TUT7: variants seen among roughly 807,000 people sequenced by gnomAD.
TUT7 encodes terminal uridylyltransferase 7.
Under a neutral mutation model 165.9 loss-of-function variants are expected in TUT7, and 33 were observed. The observed-to-expected ratio is 0.20, with a 90% CI of 0.15 to 0.27. The LOEUF (loss-of-function observed/expected upper bound fraction) is 0.27, where lower values mean the gene tolerates loss of function less well. Among genes scored for constraint, TUT7 ranks in the 10% least tolerant of loss-of-function variants. The pLI is 1.00. For missense variants in TUT7, 1,338 were observed against 1,762.3 expected, an observed-to-expected ratio of 0.76 and a Z score of 4.31; for synonymous variants, 552 against 608.1, an observed-to-expected ratio of 0.91 and a Z score of 1.36.
chr9:86,288,771 A>G, intron 26 of TUT7, 27 bp from the exon 27 acceptor site: 2 of 1,579,072 alleles, frequency 1.3e-6, no homozygotes, highest in Non-Finnish European at 8.7e-7. Context: ...AACAAAACCC[A>G]ATATAAATGA....
rs1161685629 is a variant in TUT7, at chr9:86,311,763, G to T, written c.3275-954C>A. ...GCCTGCCGAGTGCCTGCGATTGCAG[G>T]TGCGCGCCGCCACGCCTGACTGGTT... On this transcript the variant is annotated intron_variant, in intron 17 of 26. Transcript: ENST00000375963. The surrounding 1 kb of genome is among the most constrained non-coding windows in gnomAD (Gnocchi z 4.4). Among the ~76,000 whole-genome samples, 1 of 151,918 alleles carries T rather than the reference G, an allele frequency of 6.6e-6. No homozygotes were observed. Among genetic ancestry groups the T allele is most frequent in the Admixed American group, 6.6e-5 (1 of 15,266 alleles).
In TUT7 at chr9:86,345,013, G is replaced by T; in HGVS notation, c.961C>A (p.Arg321Ser). 6.2e-7 allele frequency: 1 copy of T among 1,612,912 alleles called. No individual in the cohort carries two copies. The highest frequency in any genetic ancestry group is 8.5e-7 in the Non-Finnish European group (1 of 1,179,596). ...ENLEQRLEIKRIMENVFQHKL... is the reference protein window; with the variant it reads ...ENLEQRLEIKSIMENVFQHKL... ...TGTTGGAACACATTTTCCATGATAC[G>T]TTTAATTTCCAGCCTCTGTTCCAAG... The change falls in exon 5 of 27, where the codon CGT becomes AGT. Residue 321 changes from arginine to serine, a missense_variant. Transcript: ENST00000375963.
chr9:86,309,969 T>C lies in TUT7; in HGVS notation c.3427A>G (p.Arg1143Gly). Reference sequence around the variant, plus strand: ...ATGGTATAGCACAAATACTTCACTCTGGGATCAATGGCGGAATAAGCAGAT... The same window carrying C: ...ATGGTATAGCACAAATACTTCACTCCGGGATCAATGGCGGAATAAGCAGAT... ...LLSAYSAIDPRVKYLCYTMKV... is the reference protein window; with the variant it reads ...LLSAYSAIDPGVKYLCYTMKV... Residue 1143 changes from arginine (R) to glycine (G), a missense_variant, in exon 19 of 27, where the codon AGA (arginine) becomes GGA (glycine). Around this residue, in one of 7 missense-constraint regions of TUT7, gnomAD observed 157 missense variants for 357.5 expected, o/e 0.44. Transcript: ENST00000375963. The C allele has an allele frequency of 6.2e-7, 1 of 1,613,928 alleles. No individual in the cohort carries two copies. Among genetic ancestry groups the C allele is most frequent in the Non-Finnish European group, 8.5e-7 (1 of 1,179,886 alleles).
intron 9 of TUT7, 57 bp from the exon 10 acceptor site, chr9:86,337,595 A>G (rs1309958422): frequency 1.3e-6 from 2 of 1,562,410 alleles, no homozygotes; most frequent in Non-Finnish European, 1.7e-6. Flanking sequence ...TGTCATTTAC[A>G]CGATTTGGCC....
chr9:86,309,324 C>T (rs376668945), intron 20 of TUT7, 35 bp from the exon 21 acceptor site: 177 of 1,447,394 alleles, frequency 1.2e-4, no homozygotes, highest in Non-Finnish European at 1.6e-4. Flanking sequence ...GTATGGATTA[C>T]AAACTTAATG....
chr9:86,322,733 G>A (rs529757025), intron 13 of TUT7, 140 bp downstream of exon 13: 29 of 1,037,728 alleles, frequency 2.8e-5, no homozygotes, highest in Admixed American at 1.8e-4. Context: ...AAAGCAGACC[G>A]AGCAGTCATA....
intron 2 of TUT7, among the ~76,000 whole-genome samples, chr9:86,349,076 C>T (rs1832038325): frequency 2.0e-5 from 3 of 151,952 alleles, no homozygotes; most frequent in Admixed American, 1.3e-4. Flanking sequence ...GTCGGGAGTT[C>T]GAGACCATCC....
At chr9:86,316,169 A>G (rs1828703521) in intron 17 of TUT7, among the ~76,000 whole-genome samples, 1 of 152,222 alleles carries the variant, frequency 6.6e-6, no homozygotes, top group African/African-American at 2.4e-5. Context: ...TTCACTGTTA[A>G]TGGTATCCAT....
At chr9:86,338,639 C>T (rs791321) in intron 9 of TUT7, among the ~76,000 whole-genome samples, 184 bp downstream of exon 9, 39,319 of 151,990 alleles carry the variant, frequency 0.26, 6,349 homozygotes, top group Non-Finnish European at 0.35. Flanking sequence ...TGAGCAATAC[C>T]GTTAAAGTGA....
chr9:86,302,812 T>G (rs1827068792), intron 25 of TUT7, among the ~76,000 whole-genome samples: 1 of 152,082 alleles, frequency 6.6e-6, no homozygotes, highest in Non-Finnish European at 1.5e-5. Context: ...TTTCACCATG[T>G]GGGTCAGGCT....
intron 15 of TUT7, 98 bp downstream of exon 15, chr9:86,319,486 A>G: frequency 8.2e-6 from 7 of 854,006 alleles, no homozygotes; most frequent in Non-Finnish European, 1.1e-5. Flanking sequence ...AAAACAATGG[A>G]AATCCTGATT....
chr9:86,328,617 C>T, intron 10 of TUT7, 125 bp from the exon 11 acceptor site: 1 of 729,790 alleles, frequency 1.4e-6, no homozygotes, highest in East Asian at 3.0e-5. Context: ...AATTTATGGA[C>T]TATCACAGAG....
At chr9:86,330,976 G>A (rs1310159559) in intron 10 of TUT7, among the ~76,000 whole-genome samples, 1 of 151,816 alleles carries the variant, frequency 6.6e-6, no homozygotes, top group Non-Finnish European at 1.5e-5. Context: ...AACCTCCTGG[G>A]CTTAAGCAAT....
Position 86,309,334 on chromosome 9 carries a change from G to A in TUT7, c.3583-45C>T, listed in dbSNP as rs747519099. On this transcript the variant is annotated intron_variant, in intron 20 of 26. Coordinates refer to ENST00000375963, the MANE Select transcript of TUT7 (RefSeq NM_024617.4). ...TATTAGTATGGATTACAAACTTAAT[G>A]CATTGATACAAAAACTTCTAGGAAA... 7 of 1,414,172 alleles carry A rather than the reference G, an allele frequency of 4.9e-6. No individual in the cohort carries two copies. In the East Asian group the frequency reaches 1.6e-4, roughly 32 times the overall value. The allele number at this position is 1,414,172 out of a possible 1,614,324, so 87.6% of individuals were successfully genotyped here.
intron 16 of TUT7, among the ~76,000 whole-genome samples, chr9:86,318,382 C>CA (rs1409789746): frequency 6.6e-6 from 1 of 152,178 alleles, no homozygotes; most frequent in Non-Finnish European, 1.5e-5. Flanking sequence ...ACTTTATTTA[C>CA]AAAAACAGGC....
In TUT7 at chr9:86,325,528, A is replaced by G. The variant is rs1239915497; in HGVS notation, c.1609-14T>C. ...TATTAATGACACCTATTAATAGCAA[A>G]GAGAAACATACAGGTTATTTCAGAT... On this transcript the variant is annotated splice_polypyrimidine_tract_variant and intron_variant, in intron 11 of 26. Coordinates refer to ENST00000375963, the MANE Select transcript of TUT7 (RefSeq NM_024617.4). 1.2e-6 allele frequency: 2 copies of G among 1,605,478 alleles called. No homozygotes were observed. The highest frequency in any genetic ancestry group is 1.7e-6 in the Non-Finnish European group (2 of 1,174,698).
At chr9:86,317,571 A>C (rs2131398235) in intron 16 of TUT7, among the ~76,000 whole-genome samples, 1 of 152,192 alleles carries the variant, frequency 6.6e-6, no homozygotes. Context: ...ATGGTTGAGG[A>C]CCTTCATTTC....
In TUT7 at chr9:86,318,542, T is replaced by C. The variant is rs117373262; in HGVS notation, c.3216+416A>G. Among the ~76,000 whole-genome samples, 20 of 152,322 alleles carry C rather than the reference T, an allele frequency of 1.3e-4. No homozygotes were observed. The East Asian group carries it at 3.9e-3, about 29-fold the overall frequency. On this transcript the variant is annotated intron_variant, in intron 16 of 26. Coordinates refer to ENST00000375963, the MANE Select transcript of TUT7 (RefSeq NM_024617.4). ...CAAAGACCACATGTTTAGGTACTGA[T>C]GAAACAAGTTTGTCTCAAATCCAGG...
At chr9:86,296,394 A>G (rs1826320592) in intron 26 of TUT7, among the ~76,000 whole-genome samples, 1 of 152,214 alleles carries the variant, frequency 6.6e-6, no homozygotes, top group African/African-American at 2.4e-5. Context: ...GTTCACCTCT[A>G]ATCAATAAAA....
Sources: allele counts gnomAD v4.1 joint callset (sites outside exome capture counted in the v4.1 genomes callset), GRCh38; gene constraint gnomAD v4.1.1; regional missense constraint gnomAD v4.1.1; non-coding constraint Gnocchi (gnomAD v3.1); transcripts MANE v1.5; gene names NCBI Gene and HGNC (gene_info 2026-07-23, HGNC 2026-07-21).